BRCA1: variants seen among roughly 807,000 people sequenced by gnomAD.
BRCA1 encodes the protein breast cancer type 1 susceptibility protein.
Under a neutral mutation model 173.7 loss-of-function variants are expected in BRCA1, and 140 were observed. The observed-to-expected ratio is 0.81, with a 90% CI of 0.70 to 0.93. The LOEUF (loss-of-function observed/expected upper bound fraction) is 0.93, where lower values mean the gene tolerates loss of function less well. BRCA1 is among the 40% of genes least tolerant of loss of function. BRCA1 has a pLI of 0.00. For missense variants in BRCA1, 1,983 were observed against 2,172.5 expected (o/e 0.91, Z 1.73); for synonymous variants, 662 against 756.0 (o/e 0.88, Z 2.04).
rs4793203 is a variant in BRCA1, at chr17:43,117,310, C to T, written c.81-1531G>A. On this transcript the variant is annotated intron_variant, in intron 2 of 22. Transcript: ENST00000357654. ...TACAAAAATTAGCCGGGCGTGGTGG[C>T]GCATGCCTGTGGTCTCAGCTACTTT... Among the ~76,000 whole-genome samples the T allele has an allele frequency of 3.2e-4, 49 of 152,144 alleles. 2 individuals are homozygous for T. The South Asian group carries it at 8.7e-3, about 27-fold the overall frequency.
chr17:43,127,122 C>T (rs1207337599), upstream of BRCA1, among the ~76,000 whole-genome samples: 2 of 152,238 alleles, frequency 1.3e-5, no homozygotes, highest in Admixed American at 6.5e-5. Flanking sequence ...TGAGCTCCAG[C>T]GTGGCCTGAG....
chr17:43,131,816 C>A (rs968045928), intron 1 of BRCA1, among the ~76,000 whole-genome samples: 2 of 152,040 alleles, frequency 1.3e-5, no homozygotes. Context: ...CAGAGTCTCA[C>A]TCTGTCATCC....
intron 12 of BRCA1, among the ~76,000 whole-genome samples, chr17:43,079,997 A>G (rs577667582): frequency 6.6e-6 from 1 of 152,270 alleles, no homozygotes; most frequent in African/African-American, 2.4e-5. Context: ...TCCTTAATTC[A>G]TTCTCTGAAC....
chr17:43,107,128 G>A (rs966001127), intron 3 of BRCA1, among the ~76,000 whole-genome samples: 31 of 143,028 alleles, frequency 2.2e-4, no homozygotes, highest in African/African-American at 6.6e-4. Context: ...GCAGTGGCAC[G>A]ATCTCGGCTC....
upstream of BRCA1, among the ~76,000 whole-genome samples, chr17:43,128,267 C>T (rs35931760): frequency 0.17 from 18,934 of 112,634 alleles, 1 homozygote; most frequent in South Asian, 0.28. Flanking sequence ...CAACTCCAGA[C>T]GGGAGGAACG....
intron 13 of BRCA1, among the ~76,000 whole-genome samples, chr17:43,075,468 A>G (rs891547931): frequency 2.6e-5 from 4 of 152,226 alleles, no homozygotes; most frequent in Non-Finnish European, 5.9e-5. Context: ...AGGTTAATTA[A>G]TTTAAACAAT....
At position 43,045,922 on chromosome 17, in the gene BRCA1, ATTTTTT is replaced by A; in HGVS notation, c.5468-126_5468-121del. 6 of 952,634 alleles carry A rather than the reference ATTTTTT, an allele frequency of 6.3e-6. No individual in the cohort carries two copies. The South Asian group carries it at 8.8e-5, about 14-fold the overall frequency. The allele number at this position is 952,634 out of a possible 1,614,324, so 59.0% of individuals were successfully genotyped here. ...CTTAGGATTAATGAGGTAGAAGCTA[ATTTTTT>A]TTTTTTTTTTTTGAGACGGAGTCTT... On this transcript the variant is annotated intron_variant, in intron 22 of 22. Transcript: ENST00000357654.
At chr17:43,134,317 A>G (rs2055997759) in intron 1 of BRCA1, among the ~76,000 whole-genome samples, 1 of 152,226 alleles carries the variant, frequency 6.6e-6, no homozygotes, top group South Asian at 2.1e-4. Flanking sequence ...GAGAAGAGGT[A>G]GACAAGCCTG....
Position 43,045,292 on chromosome 17 carries a change from G to C in BRCA1, c.*386C>G, listed in dbSNP as rs758156788. On this transcript the variant is annotated 3_prime_UTR_variant, in exon 23 of 23. Transcript: ENST00000357654. ...ACAGGGTTTTAGAGAAGTAAACTTA[G>C]GGAAACCAGCTATTCTCTTGAGGCC... The C allele has an allele frequency of 5.5e-6, 3 of 550,086 alleles. No individual in the cohort carries two copies. The highest frequency in any genetic ancestry group is 1.0e-5 in the Non-Finnish European group (3 of 287,590). The allele number at this position is 550,086 out of a possible 1,614,324, so 34.1% of individuals were successfully genotyped here.
At chr17:43,112,854 A>G (rs947455518) in intron 3 of BRCA1, among the ~76,000 whole-genome samples, 61 of 150,620 alleles carry the variant, frequency 4.0e-4, no homozygotes, top group Non-Finnish European at 4.6e-4. Flanking sequence ...CCCAGGCTGG[A>G]GTGCAATGGC....
chr17:43,119,551 C>T lies in BRCA1; in HGVS notation c.81-3772G>A, dbSNP rs377570241. 1.3e-5 allele frequency among the ~76,000 whole-genome samples: 2 copies of T among 151,956 alleles called. No homozygotes were observed. The highest frequency in any genetic ancestry group is 3.9e-4 in the East Asian group (2 of 5,190). ...GCTATTGCAAGAATAAAATTAAATG[C>T]TACTTGGGAAAATGCTTCACAACCT... On this transcript the variant is annotated intron_variant, in intron 2 of 22. Transcript: ENST00000357654.
At chr17:43,079,127 T>C (rs1381203101) in intron 12 of BRCA1, among the ~76,000 whole-genome samples, 1 of 151,938 alleles carries the variant, frequency 6.6e-6, no homozygotes, top group East Asian at 1.9e-4. Context: ...TGAGCCGAAA[T>C]CACACCATTG....
chr17:43,057,824 A>G (rs2051572844), intron 18 of BRCA1, among the ~76,000 whole-genome samples: 1 of 151,658 alleles, frequency 6.6e-6, no homozygotes, highest in Non-Finnish European at 1.5e-5. Flanking sequence ...CAACTGAGCG[A>G]GACTCCGTCT....
rs1597860805 is a variant in BRCA1, at chr17:43,091,664, T to C, written c.3867A>G (p.Thr1289=). 6.2e-7 allele frequency: 1 copy of C among 1,614,224 alleles called. No homozygotes were observed. Among genetic ancestry groups the C allele is most frequent in the Middle Eastern group, 1.6e-4 (1 of 6,062 alleles). The change falls in exon 10 of 23, where the codon ACA becomes ACG. Residue 1289 remains threonine (T), a synonymous_variant. Coordinates refer to ENST00000357654, the MANE Select transcript of BRCA1 (RefSeq NM_007294.4). The part of the protein sequence containing the change: ...ASQEHHLSEE[T]KCSASLFSSQ... ...AAGAAAACAAGCTAGCAGAACATTT[T>C]GTTTCCTCACTAAGGTGATGTTCCT...
chr17:43,080,445 C>T (rs2052952627), intron 12 of BRCA1, among the ~76,000 whole-genome samples: 1 of 152,080 alleles, frequency 6.6e-6, no homozygotes, highest in South Asian at 2.1e-4. Flanking sequence ...GATTCGCCTG[C>T]CTTGGCCTCC....
Position 43,125,349 on chromosome 17 carries a change from T to G in BRCA1, c.-98A>C, listed in dbSNP as rs1336253769. The G allele has an allele frequency of 5.3e-5, 23 of 433,918 alleles. No individual in the cohort carries two copies. The Admixed American group carries it at 5.7e-4, about 11-fold the overall frequency. The allele number at this position is 433,918 out of a possible 1,614,324, so 26.9% of individuals were successfully genotyped here. Reference sequence around the variant, plus strand: ...GAGAAACCCCACAGCCTGTCCCCCGTCCAGGAAGTCTCAGCGAGCTCACGC... The same window carrying G: ...GAGAAACCCCACAGCCTGTCCCCCGGCCAGGAAGTCTCAGCGAGCTCACGC... On this transcript the variant is annotated 5_prime_UTR_variant, in exon 1 of 23. Transcript: ENST00000357654.
chr17:43,054,250 G>A (rs2051368045), intron 19 of BRCA1, among the ~76,000 whole-genome samples: 2 of 152,138 alleles, frequency 1.3e-5, no homozygotes, highest in African/African-American at 2.4e-5. Flanking sequence ...GCAGAAATAA[G>A]GCCAGCAGCT....
intron 12 of BRCA1, among the ~76,000 whole-genome samples, chr17:43,077,350 A>G (rs1204552658): frequency 1.4e-5 from 2 of 142,676 alleles, no homozygotes; most frequent in Non-Finnish European, 3.1e-5. Flanking sequence ...TTTTTTTTTG[A>G]GACGGAGTCT....
At chr17:43,052,615 C>A (rs759777623) in intron 19 of BRCA1, among the ~76,000 whole-genome samples, 2 of 152,094 alleles carry the variant, frequency 1.3e-5, no homozygotes, top group African/African-American at 2.4e-5. Context: ...TTGGGTGACT[C>A]TCAGTGTCTT....
Sources: allele counts gnomAD v4.1 joint callset (sites outside exome capture counted in the v4.1 genomes callset), GRCh38; gene constraint gnomAD v4.1.1; transcripts MANE v1.5; gene names NCBI Gene and HGNC (gene_info 2026-07-23, HGNC 2026-07-21).